Variants in IPCEF1 observed in about 807,000 individuals in gnomAD.
The protein encoded by IPCEF1 is interactor protein for cytohesin exchange factors 1.
Under a neutral mutation model 50.9 loss-of-function variants are expected in IPCEF1, and 31 were observed. The ratio of observed to expected loss-of-function variants is 0.61; its 90% CI spans 0.46 to 0.82. The LOEUF (loss-of-function observed/expected upper bound fraction) is 0.82, where lower values mean the gene tolerates loss of function less well. Among genes scored for constraint, IPCEF1 ranks in the 40% least tolerant of loss-of-function variants. The pLI is 0.00. For missense variants in IPCEF1, 458 were observed against 514.0 expected (o/e 0.89, Z 1.05); for synonymous variants, 181 against 192.0 (o/e 0.94, Z 0.47).
Position 154,198,777 on chromosome 6 carries a change from G to C in IPCEF1, c.910+891C>G, listed in dbSNP as rs553011420. Reference sequence around the variant, plus strand: ...AAAGAAACATTCCCTGATTAGGCTAGAGGAGAGGAGAGAGCAGTCATCTAT... The same window carrying C: ...AAAGAAACATTCCCTGATTAGGCTACAGGAGAGGAGAGAGCAGTCATCTAT... On this transcript the variant is annotated intron_variant, in intron 10 of 11. Transcript: ENST00000367220. 3.3e-5 allele frequency among the ~76,000 whole-genome samples: 5 copies of C among 152,246 alleles called. No individual in the cohort carries two copies. The South Asian group carries it at 1.0e-3, about 32-fold the overall frequency.
intron 9 of IPCEF1, among the ~76,000 whole-genome samples, chr6:154,204,304 A>T (rs1015246314): frequency 2.6e-5 from 4 of 152,224 alleles, no homozygotes; most frequent in Non-Finnish European, 4.4e-5. Context: ...CAAACCCTGT[A>T]ATTAGGCAGA....
chr6:154,340,724 A>T (rs1181731741), intron 1 of IPCEF1, among the ~76,000 whole-genome samples: 1 of 151,910 alleles, frequency 6.6e-6, no homozygotes, highest in African/African-American at 2.4e-5. Flanking sequence ...TGTCTCTACT[A>T]AAAACACAAA....
At chr6:154,207,449 T>C (rs1203934312) in intron 9 of IPCEF1, among the ~76,000 whole-genome samples, 5 of 152,270 alleles carry the variant, frequency 3.3e-5, no homozygotes, top group Admixed American at 2.6e-4. Flanking sequence ...AGTACAGATA[T>C]TGAATAATCA....
At chr6:154,197,937 T>C (rs1482876860) in intron 10 of IPCEF1, among the ~76,000 whole-genome samples, 3 of 152,208 alleles carry the variant, frequency 2.0e-5, no homozygotes, top group Non-Finnish European at 4.4e-5. Flanking sequence ...TTTTCTTTAG[T>C]TTCACCAGTC....
intron 5 of IPCEF1, among the ~76,000 whole-genome samples, chr6:154,237,444 C>T (rs988502061): frequency 6.6e-6 from 1 of 152,192 alleles, no homozygotes; most frequent in South Asian, 2.1e-4. Context: ...AAAACCATTC[C>T]TGGTATCTGA....
At chr6:154,211,302 G>A (rs1160570651) in intron 9 of IPCEF1, among the ~76,000 whole-genome samples, 4 of 151,958 alleles carry the variant, frequency 2.6e-5, no homozygotes, top group African/African-American at 7.3e-5. Flanking sequence ...CCAGCTACTC[G>A]GGAGGCTGAG....
chr6:154,288,304 C>T (rs1782413313), intron 2 of IPCEF1, among the ~76,000 whole-genome samples: 1 of 152,170 alleles, frequency 6.6e-6, no homozygotes, highest in African/African-American at 2.4e-5. Context: ...TACGCTAATA[C>T]TTTCTGAAAA....
intron 6 of IPCEF1, 66 bp downstream of exon 6, chr6:154,223,104 T>C: frequency 8.1e-7 from 1 of 1,231,258 alleles, no homozygotes; most frequent in Non-Finnish European, 1.2e-6. Context: ...ACCATATCCC[T>C]TGGTGAACAT....
chr6:154,323,825 C>G (rs753091479), intron 1 of IPCEF1, among the ~76,000 whole-genome samples: 3 of 152,110 alleles, frequency 2.0e-5, no homozygotes, highest in Non-Finnish European at 4.4e-5. Context: ...TGGTGGCAGA[C>G]GCCTGTAATC....
At chr6:154,179,538 T>C (rs1437253349) in intron 10 of IPCEF1, among the ~76,000 whole-genome samples, 1 of 152,170 alleles carries the variant, frequency 6.6e-6, no homozygotes, top group Non-Finnish European at 1.5e-5. Context: ...ATGAATTTTG[T>C]CTGACAGTCA....
At chr6:154,338,196 T>C (rs1419735005) in intron 1 of IPCEF1, among the ~76,000 whole-genome samples, 1 of 152,260 alleles carries the variant, frequency 6.6e-6, no homozygotes, top group Admixed American at 6.5e-5. Flanking sequence ...GGGGCATGTA[T>C]TCTTAGCCTT....
chr6:154,296,868 C>T (rs1374927146), intron 1 of IPCEF1, among the ~76,000 whole-genome samples: 1 of 151,374 alleles, frequency 6.6e-6, no homozygotes, highest in Non-Finnish European at 1.5e-5. Flanking sequence ...ATATCATCCT[C>T]AACGGTTTTG....
intron 1 of IPCEF1, among the ~76,000 whole-genome samples, 151 bp from the exon 2 acceptor site, chr6:154,289,907 G>A (rs1419390154): frequency 2.0e-5 from 3 of 152,112 alleles, no homozygotes; most frequent in Non-Finnish European, 4.4e-5. Flanking sequence ...TGATCATCGT[G>A]ATAATGTTAG....
At chr6:154,296,036 A>G (rs1047853681) in intron 1 of IPCEF1, among the ~76,000 whole-genome samples, 1 of 152,206 alleles carries the variant, frequency 6.6e-6, no homozygotes, top group African/African-American at 2.4e-5. Flanking sequence ...TATTAGCTAT[A>G]TGAAGGAGCT....
chr6:154,298,893 C>G, intron 1 of IPCEF1, among the ~76,000 whole-genome samples: 1 of 94,706 alleles, frequency 1.1e-5, no homozygotes, highest in African/African-American at 3.3e-5. Context: ...ACCCAGGAGG[C>G]GGAGGTTGCA....
At chr6:154,289,572 A>C (rs1339294547) in intron 2 of IPCEF1, 141 bp downstream of exon 2, 2 of 152,074 alleles carry the variant, frequency 1.3e-5, no homozygotes, top group African/African-American at 2.4e-5. Context: ...CCTCTGCATA[A>C]ATCCTAGACT....
intron 5 of IPCEF1, among the ~76,000 whole-genome samples, chr6:154,244,978 A>C (rs1289853688): frequency 6.6e-6 from 1 of 152,204 alleles, no homozygotes; most frequent in East Asian, 1.9e-4. Flanking sequence ...CGCTTGCCAC[A>C]ACTACCCCAA....
intron 1 of IPCEF1, among the ~76,000 whole-genome samples, chr6:154,317,032 A>C (rs1772204163): frequency 6.6e-6 from 1 of 152,212 alleles, no homozygotes; most frequent in South Asian, 2.1e-4. Context: ...AATATAAAGT[A>C]ATATTTTTGT....
rs761100090 is a variant in IPCEF1 at position 154,221,258 on chromosome 6, C to T, written c.391G>A (p.Val131Met). ...FAAENVQEMN[V>M]WLNKLGSAVI... ...GGTTTACCAGTTTCCTCTACTTACA[C>T]GTTCATTTCCTGCACATTCTCAGCT... The change falls in exon 7 of 12, where the codon GTG (valine) becomes ATG (methionine). Residue 131 changes from valine to methionine, a missense_variant and splice_region_variant. Val to Met is a conservative substitution (Grantham distance 21, BLOSUM62 1). Transcript: ENST00000367220. 5.0e-6 allele frequency: 8 copies of T among 1,613,258 alleles called. No homozygotes were observed. The highest frequency in any genetic ancestry group is 6.8e-6 in the Non-Finnish European group (8 of 1,179,318).
Sources: gnomAD v4.1 joint callset for allele counts (sites outside exome capture counted in the v4.1 genomes callset) on GRCh38, gnomAD v4.1.1 for gene constraint, MANE v1.5 for transcripts, NCBI Gene and HGNC (gene_info 2026-07-23, HGNC 2026-07-21) for gene names.